Variants in SLC36A4 observed in about 807,000 individuals in gnomAD.
SLC36A4 encodes the protein solute carrier family 36 member 4.
In SLC36A4, 49 loss-of-function variants were observed where a neutral mutation model predicts 50.5. That is an observed-to-expected ratio of 0.97 (90% CI 0.77 to 1.23). SLC36A4 has a LOEUF of 1.23. Ranked by LOEUF, SLC36A4 falls within the 50% of genes most tolerant of loss-of-function variation. The pLI, the probability that SLC36A4 is intolerant of heterozygous loss-of-function variation, is 0.00. For synonymous variants in SLC36A4, 207 were observed against 206.5 expected (o/e 1.00, Z -0.02); for missense variants, 611 against 608.4 (o/e 1.00, Z -0.05).
chr11:93,148,492 T>G lies in SLC36A4; in HGVS notation c.*45A>C. 6.5e-7 allele frequency: 1 copy of G among 1,529,948 alleles called. No individual in the cohort carries two copies. Among genetic ancestry groups the G allele is most frequent in the Non-Finnish European group, 8.9e-7 (1 of 1,126,990 alleles). The allele number at this position is 1,529,948 out of a possible 1,614,324, so 94.8% of individuals were successfully genotyped here. On this transcript the variant is annotated 3_prime_UTR_variant, in exon 11 of 11. Transcript: ENST00000326402. ...GTATTTTACTAGTTATCTTGATAAT[T>G]TTCAGAAATGGGACAAAAATAGAAG...
Position 93,148,574 on chromosome 11 carries a change from T to C in SLC36A4, c.1478A>G (p.Asn493Ser), listed in dbSNP as rs1335834412. 1.2e-6 allele frequency: 2 copies of C among 1,611,442 alleles called. No individual in the cohort carries two copies. Among genetic ancestry groups the C allele is most frequent in the Admixed American group, 3.4e-5 (2 of 59,534 alleles). Residue 493 changes from asparagine to serine, a missense_variant, in exon 11 of 11, where the codon AAT becomes AGT. Asn to Ser is a conservative substitution (Grantham distance 46, BLOSUM62 1). Coordinates refer to ENST00000326402, the MANE Select transcript of SLC36A4 (RefSeq NM_152313.4). ...AGATGTTAAGCATGTTGAATTCAAA[T>C]TTAGAAAAGGACTCTGTGGAGTGCC... ...VAGTPQSPFL[N>S]LNSTCLTSGL...
At chr11:93,160,228 T>C (rs1662457261) in intron 9 of SLC36A4, 3 of 985,388 alleles carry the variant, frequency 3.0e-6, no homozygotes, top group Non-Finnish European at 3.6e-6. Flanking sequence ...AGAAACAGAC[T>C]ATAGGCTGCA....
chr11:93,165,712 G>A (rs2134655416), intron 8 of SLC36A4, among the ~76,000 whole-genome samples: 1 of 152,210 alleles, frequency 6.6e-6, no homozygotes, highest in Admixed American at 6.5e-5. Context: ...AAGAGAAGTA[G>A]AGAGCCTAAG....
intron 1 of SLC36A4, among the ~76,000 whole-genome samples, chr11:93,196,424 TGGCACGATCTC>T (rs1446277384): frequency 1.8e-4 from 28 of 152,212 alleles, no homozygotes; most frequent in Admixed American, 1.8e-3. Flanking sequence ...TGGAGTGCAG[TGGCACGATCTC>T]GGCTCACGGC....
rs1012973560 is a variant in SLC36A4, at chr11:93,197,694, C to T, written c.55+84G>A. 1.7e-5 allele frequency: 24 copies of T among 1,431,056 alleles called. No homozygotes were observed. In the African/African-American group the frequency reaches 3.4e-4, roughly 20 times the overall value. 88.6% of individuals were successfully genotyped at this position (1,431,056 alleles called of 1,614,324 possible). A position where few individuals can be genotyped will look rare whatever the true frequency, so the allele number is the denominator to read the frequency against. On this transcript the variant is annotated intron_variant, in intron 1 of 10. Transcript: ENST00000326402. ...GCCTCAACTCAGGCCAAGCGCGGGG[C>T]CCCTGGAGGTGTGGGCGCACCCGAC...
Position 93,145,014 on chromosome 11 carries a change from G to A in SLC36A4, c.*3523C>T, listed in dbSNP as rs1859820657. The A allele has an allele frequency of 6.6e-6, 1 of 152,002 alleles. No individual in the cohort carries two copies. The highest frequency in any genetic ancestry group is 2.1e-4 in the South Asian group (1 of 4,822). 9.4% of individuals were successfully genotyped at this position (152,002 alleles called of 1,614,324 possible). A position where few individuals can be genotyped will look rare whatever the true frequency, so the allele number is the denominator to read the frequency against. On this transcript the variant is annotated 3_prime_UTR_variant, in exon 11 of 11. Coordinates refer to ENST00000326402, the MANE Select transcript of SLC36A4 (RefSeq NM_152313.4). The stretch of plus-strand genomic sequence containing the variant: ...CTTCTCCTTTTAAATGAAGAAAGAA[G>A]TGAGGTCAAGACCTAGTTTGTGTAT...
intron 6 of SLC36A4, among the ~76,000 whole-genome samples, chr11:93,177,905 G>A (rs1330514746): frequency 6.6e-6 from 1 of 152,234 alleles, no homozygotes; most frequent in Non-Finnish European, 1.5e-5. Context: ...AAAGCTGTCA[G>A]AGAGGAATGT....
chr11:93,160,434 AAAT>A, intron 9 of SLC36A4: 1 of 985,394 alleles, frequency 1.0e-6, no homozygotes, highest in Non-Finnish European at 1.2e-6. Flanking sequence ...GGTCCCTTTT[AAAT>A]CAAGAGTCTC....
In SLC36A4 at chr11:93,197,790, G is replaced by A; in HGVS notation, c.43C>T (p.Arg15Cys). 1 of 1,585,462 alleles carries A rather than the reference G, an allele frequency of 6.3e-7. No individual in the cohort carries two copies. Among genetic ancestry groups the A allele is most frequent in the South Asian group, 1.1e-5 (1 of 89,384 alleles). The change falls in exon 1 of 11, where the codon CGC becomes TGC. Residue 15 changes from arginine (R) to cysteine (C), a missense_variant. Coordinates refer to ENST00000326402, the MANE Select transcript of SLC36A4 (RefSeq NM_152313.4). ...GCACAACACCGACCTAGCTCCTCGCGCCTCGCCGCCCCGGCAGCCGCCGGC... is the reference window on the plus strand; with the variant it reads ...GCACAACACCGACCTAGCTCCTCGCACCTCGCCGCCCCGGCAGCCGCCGGC... ...ATPAAAGAARREELDMDVMRP... is the reference protein window; with the variant it reads ...ATPAAAGAARCEELDMDVMRP...
intron 9 of SLC36A4, among the ~76,000 whole-genome samples, chr11:93,161,508 C>T (rs1860616455): frequency 6.6e-6 from 1 of 152,186 alleles, no homozygotes. Context: ...TATCCTAGGT[C>T]CATTTGCTCT....
chr11:93,149,828 A>G (rs1859997690), intron 10 of SLC36A4, among the ~76,000 whole-genome samples: 1 of 152,032 alleles, frequency 6.6e-6, no homozygotes, highest in Non-Finnish European at 1.5e-5. Context: ...AGTTAATAGC[A>G]TTGTATCCAT....
At position 93,183,167 on chromosome 11, in the gene SLC36A4, T is replaced by A. The variant is rs539397578; in HGVS notation, c.271-273A>T. Among the ~76,000 whole-genome samples, 126 of 152,302 alleles carry A rather than the reference T, an allele frequency of 8.3e-4. 1 individual carries two copies. The South Asian group carries it at 0.025, about 30-fold the overall frequency. On this transcript the variant is annotated intron_variant, in intron 3 of 10. Transcript: ENST00000326402. ...CAAAGTAGGATAGAACACAAGATCA[T>A]ATTTAACATCAGATGGCAAGTCTAC...
chr11:93,159,128 A>G (rs1180423156), intron 9 of SLC36A4, among the ~76,000 whole-genome samples: 1 of 152,092 alleles, frequency 6.6e-6, no homozygotes, highest in African/African-American at 2.4e-5. Context: ...TAGCACTTCA[A>G]AGAATAAAAT....
intron 6 of SLC36A4, among the ~76,000 whole-genome samples, chr11:93,178,203 C>G (rs1456849346): frequency 2.0e-5 from 3 of 152,180 alleles, no homozygotes; most frequent in African/African-American, 4.8e-5. Flanking sequence ...TGAGCCAGCG[C>G]AGGATATAAT....
chr11:93,172,373 C>G (rs1477898057), intron 6 of SLC36A4, among the ~76,000 whole-genome samples: 1 of 151,690 alleles, frequency 6.6e-6, no homozygotes, highest in African/African-American at 2.4e-5. Flanking sequence ...TACACTGCAC[C>G]ATATTTGTTG....
chr11:93,149,361 G>A (rs1434719351), intron 10 of SLC36A4, among the ~76,000 whole-genome samples: 2 of 151,856 alleles, frequency 1.3e-5, no homozygotes, highest in African/African-American at 4.8e-5. Flanking sequence ...GAAATTAGTG[G>A]GCAAAAACTG....
intron 9 of SLC36A4, chr11:93,159,946 G>C (rs1273578962): frequency 1.0e-6 from 1 of 985,282 alleles, no homozygotes; most frequent in African/African-American, 1.7e-5. Context: ...GGATACTCTT[G>C]TAACAGTCAT....
rs1005194515 is a variant in SLC36A4 at position 93,146,858 on chromosome 11, T to A, written c.*1679A>T. On this transcript the variant is annotated 3_prime_UTR_variant, in exon 11 of 11. Transcript: ENST00000326402. ...ATCTTGGTTAATAACTTGAAAAATA[T>A]GGAATAATTAGAAGTTATTTGTCTG... 9 of 152,132 alleles carry A rather than the reference T, an allele frequency of 5.9e-5. No individual in the cohort carries two copies. Among genetic ancestry groups the A allele is most frequent in the African/African-American group, 2.2e-4 (9 of 41,456 alleles). 9.4% of individuals were successfully genotyped at this position (152,132 alleles called of 1,614,324 possible).
chr11:93,187,162 T>G (rs1031587508), intron 1 of SLC36A4, among the ~76,000 whole-genome samples: 1 of 145,510 alleles, frequency 6.9e-6, no homozygotes, highest in Non-Finnish European at 1.6e-5. Flanking sequence ...ACTTTTGCCT[T>G]GCTTTTATAT....
Sources: allele counts gnomAD v4.1 joint callset (sites outside exome capture counted in the v4.1 genomes callset), GRCh38; gene constraint gnomAD v4.1.1; transcripts MANE v1.5; gene names NCBI Gene and HGNC (gene_info 2026-07-23, HGNC 2026-07-21).